RIF1: variants seen among roughly 807,000 people sequenced by gnomAD.
RIF1 encodes replication timing regulatory factor 1.
Under a neutral mutation model 247.1 loss-of-function variants are expected in RIF1, and 45 were observed. The ratio of observed to expected loss-of-function variants is 0.18; its 90% CI spans 0.14 to 0.23. The LOEUF (loss-of-function observed/expected upper bound fraction) is 0.23, where lower values mean the gene tolerates loss of function less well. Ranked by LOEUF, RIF1 falls within the 10% of genes least tolerant of loss-of-function variation. The pLI is 1.00. For synonymous variants in RIF1, 1,087 were observed against 978.8 expected (o/e 1.11, Z -2.06); for missense variants, 2,967 against 2,862.5 (o/e 1.04, Z -0.83).
rs1351477493 is a variant in RIF1 at position 151,461,266 on chromosome 2, A to G, written c.3204A>G (p.Gln1068=). 6.8e-6 allele frequency: 11 copies of G among 1,612,844 alleles called. No homozygotes were observed. The highest frequency in any genetic ancestry group is 9.3e-6 in the Non-Finnish European group (11 of 1,179,764). ...AGGAAAGAATATTAACTGATCATCA[A>G]AAAGAAGTTCTCAAAACAAAGCGGT... ...DAKERILTDH[Q]KEVLKTKRCD... The change falls in exon 27 of 36, where the codon CAA becomes CAG. Residue 1068 remains glutamine (Q), a synonymous_variant. Coordinates refer to ENST00000444746, the MANE Select transcript of RIF1 (RefSeq NM_018151.5).
the RIF1 span, chr2:151,526,357 A>G: frequency 3.0e-5 from 25 of 841,302 alleles, no homozygotes; most frequent in Admixed American, 6.3e-5. Context: ...CAGCGTTGAC[A>G]ATACTAAACT....
At chr2:151,433,269 T>G in intron 10 of RIF1, 41 bp downstream of exon 10, 1 of 1,501,378 alleles carries the variant, frequency 6.7e-7, no homozygotes, top group Non-Finnish European at 9.2e-7. Context: ...TATGTTTTTG[T>G]TAATGTGTTC....
downstream of RIF1, chr2:151,485,769 T>A (rs2049768282): frequency 6.2e-7 from 1 of 1,610,462 alleles, no homozygotes; most frequent in South Asian, 1.1e-5. Flanking sequence ...CCTAAATAGC[T>A]TCAACGTAGT....
rs554417448 is a variant in RIF1, at chr2:151,498,527, A to AGG, written c.*514-817_*514-816dup. Among the ~76,000 whole-genome samples the AGG allele has an allele frequency of 4.3e-3, 652 of 152,338 alleles. 5 individuals are homozygous for AGG. The highest frequency in any genetic ancestry group is 0.015 in the African/African-American group (605 of 41,570). On this transcript the variant is annotated intron_variant and NMD_transcript_variant, in intron 10 of 13. Transcript: ENST00000454583. The stretch of plus-strand genomic sequence containing the variant: ...AGCCTAAAGACATCTTCAAAAGCAA[A>AGG]GGAATGCAGGAAAGAGCAGCAAAAA...
At chr2:151,468,394 TG>T (rs1697284502) in intron 31 of RIF1, 79 bp from the exon 32 acceptor site, 1 of 1,142,994 alleles carries the variant, frequency 8.7e-7, no homozygotes, top group African/African-American at 1.6e-5. Flanking sequence ...AAGAAATGAT[TG>T]CAGTCTAAGT....
chr2:151,437,029 T>G (rs1691349884), intron 12 of RIF1, 26 bp downstream of exon 12: 1 of 1,582,616 alleles, frequency 6.3e-7, no homozygotes, highest in South Asian at 1.1e-5. Flanking sequence ...AAGAATAATT[T>G]TAATTACTAA....
Position 151,459,588 on chromosome 2 carries a change from A to G in RIF1, c.2956-412A>G, listed in dbSNP as rs147547441. Among the ~76,000 whole-genome samples the G allele has an allele frequency of 2.3e-3, 355 of 152,290 alleles. 9 individuals carry two copies. In the East Asian group the frequency reaches 0.046, roughly 20 times the overall value. On this transcript the variant is annotated intron_variant, in intron 25 of 35. Transcript: ENST00000444746. ...CAGTGGAATGTGGTCTGTAAAAGCTATATATTCTGTTGAGGGGAAATATGC... is the reference window on the plus strand; with the variant it reads ...CAGTGGAATGTGGTCTGTAAAAGCTGTATATTCTGTTGAGGGGAAATATGC...
rs746756638 is a variant in RIF1, at chr2:151,475,013, C to T, written c.7361C>T (p.Ser2454Phe). The T allele has an allele frequency of 5.6e-6, 9 of 1,613,600 alleles. No homozygotes were observed. Among genetic ancestry groups the T allele is most frequent in the Non-Finnish European group, 6.8e-6 (8 of 1,179,688 alleles). The change falls in exon 36 of 36, where the codon TCT becomes TTT. Residue 2454 changes from serine to phenylalanine, a missense_variant. Physicochemically the swap from Ser to Phe is radical, Grantham distance 155 (BLOSUM62 -2). Transcript: ENST00000444746. ...GAGAAACTAAGTTGTATGGCAAACT[C>T]TGTAATAAAAAATCTACAGTCACGT... Reference protein sequence around the residue: ...MHEKLSCMANSVIKNLQSRWR... With the variant: ...MHEKLSCMANFVIKNLQSRWR...
rs1254012354 is a variant in RIF1 at position 151,464,594 on chromosome 2, T to A, written c.5074T>A (p.Cys1692Ser). Residue 1692 changes from cysteine to serine, a missense_variant, in exon 30 of 36, where the codon TGT (cysteine) becomes AGT (serine). Coordinates refer to ENST00000444746, the MANE Select transcript of RIF1 (RefSeq NM_018151.5). ...ACATAAGCGAGACTCTTTTGATAAT[T>A]GTAGTTTGGGAGAATCCTCAAAAAT... is the stretch of plus-strand genomic sequence containing the variant. ...RLHKRDSFDN[C>S]SLGESSKIGI... 1 of 1,613,474 alleles carries A rather than the reference T, an allele frequency of 6.2e-7. No homozygotes were observed. Among genetic ancestry groups the A allele is most frequent in the Admixed American group, 1.7e-5 (1 of 59,962 alleles).
rs771100781 is a variant in RIF1 at position 151,454,969 on chromosome 2, A to G, written c.2419A>G (p.Ile807Val). The change falls in exon 22 of 36, where the codon ATT (isoleucine) becomes GTT (valine). Residue 807 changes from isoleucine (I) to valine (V), a missense_variant. Transcript: ENST00000444746. The part of the protein sequence containing the change: ...LGKLTSLFKL[I>V]VKVIYSFHTL... ...GAAATTGACTTCTTTATTTAAACTT[A>G]TTGTGAAAGTGATCTATTCTTTCCA... 1.2e-6 allele frequency: 2 copies of G among 1,613,420 alleles called. No individual in the cohort carries two copies. The highest frequency in any genetic ancestry group is 1.7e-6 in the Non-Finnish European group (2 of 1,179,500).
chr2:151,464,623 G>GATAT lies in RIF1; in HGVS notation c.5104_5107dup (p.Ser1703TyrfsTer16). 1 of 1,613,650 alleles carries GATAT rather than the reference G, an allele frequency of 6.2e-7. No homozygotes were observed. Among genetic ancestry groups the GATAT allele is most frequent in the Non-Finnish European group, 8.5e-7 (1 of 1,179,758 alleles). Reference sequence around the variant, plus strand: ...GTTTGGGAGAATCCTCAAAAATAGGGATATCAGATATTTCTTCGCTTTCAG... The same window carrying GATAT: ...GTTTGGGAGAATCCTCAAAAATAGGGATATATATCAGATATTTCTTCGCTTTCAG... On this transcript the variant is annotated frameshift_variant, in exon 30 of 36. Transcript: ENST00000444746. LOFTEE classifies it high-confidence loss of function.
the RIF1 span, among the ~76,000 whole-genome samples, chr2:151,522,832 C>G: frequency 6.6e-6 from 1 of 152,104 alleles, no homozygotes; most frequent in Non-Finnish European, 1.5e-5. Context: ...TTGAGGTATT[C>G]CGCCTAGAGT....
rs1696490694 is a variant in RIF1 at position 151,463,484 on chromosome 2, G to A, written c.3964G>A (p.Val1322Ile). The change falls in exon 30 of 36, where the codon GTA (valine) becomes ATA (isoleucine). Residue 1322 changes from valine (V) to isoleucine (I), a missense_variant. Coordinates refer to ENST00000444746, the MANE Select transcript of RIF1 (RefSeq NM_018151.5). Reference protein sequence around the residue: ...KNTEESVEGIVVLENNPPGLL... With the variant: ...KNTEESVEGIIVLENNPPGLL... ...TACTGAGGAATCTGTTGAAGGCATT[G>A]TAGTCTTAGAAAATAACCCACCTGG... 6 of 1,614,000 alleles carry A rather than the reference G, an allele frequency of 3.7e-6. No individual in the cohort carries two copies. Among genetic ancestry groups the A allele is most frequent in the Middle Eastern group, 1.6e-4 (1 of 6,084 alleles).
chr2:151,454,908 T>G lies in RIF1; in HGVS notation c.2358T>G (p.Pro786=). The stretch of plus-strand genomic sequence containing the variant: ...TTTTGTTTTTAGCACCACAGAGACC[T>G]TCAGATTGGTCCAAAAAGAAGAATG... ...YQPKVKSPQR[P]SDWSKKKNEP... is the part of the protein sequence containing the mutation. Residue 786 remains proline (P), a synonymous_variant, in exon 22 of 36, where the codon CCT becomes CCG. Coordinates refer to ENST00000444746, the MANE Select transcript of RIF1 (RefSeq NM_018151.5). The G allele has an allele frequency of 6.2e-7, 1 of 1,607,014 alleles. No individual in the cohort carries two copies. The highest frequency in any genetic ancestry group is 8.5e-7 in the Non-Finnish European group (1 of 1,176,158).
intron 34 of RIF1, among the ~76,000 whole-genome samples, chr2:151,473,679 A>G (rs2048754544): frequency 6.6e-6 from 1 of 152,200 alleles, no homozygotes; most frequent in African/African-American, 2.4e-5. Context: ...AACTTGGGAA[A>G]TAGAATGTAA....
chr2:151,529,086 C>T, the RIF1 span: 10 of 711,574 alleles, frequency 1.4e-5, no homozygotes, highest in East Asian at 2.6e-5. Flanking sequence ...GCTCCTGGGG[C>T]CTGACTCTTG....
rs199700260 is a variant in RIF1, at chr2:151,478,920, T to C, written c.*3849T>C. The C allele has an allele frequency of 6.6e-6, 1 of 151,974 alleles. No homozygotes were observed. The highest frequency in any genetic ancestry group is 1.5e-5 in the Non-Finnish European group (1 of 68,010). 9.4% of individuals were successfully genotyped at this position (151,974 alleles called of 1,614,324 possible). On this transcript the variant is annotated 3_prime_UTR_variant, in exon 36 of 36. Coordinates refer to ENST00000444746, the MANE Select transcript of RIF1 (RefSeq NM_018151.5). ...ACTGTTTCCTCATTGCTGCAACCCA[T>C]GGTCTATCCTATTCCTAAGCCATTA...
At chr2:151,487,673 C>T (rs1179744755) in intron 9 of RIF1, among the ~76,000 whole-genome samples, 1 of 152,116 alleles carries the variant, frequency 6.6e-6, no homozygotes, top group East Asian at 1.9e-4. Context: ...TACCGTTTAT[C>T]TTTGGGCAAA....
At chr2:151,438,811 A>G (rs1691728015) in intron 14 of RIF1, 65 bp downstream of exon 14, 3 of 942,316 alleles carry the variant, frequency 3.2e-6, no homozygotes, top group Non-Finnish European at 5.2e-6. Context: ...TGATTTTTAT[A>G]GCATCCGGTG....
Sources: gnomAD v4.1 joint callset for allele counts (sites outside exome capture counted in the v4.1 genomes callset) on GRCh38, gnomAD v4.1.1 for gene constraint, MANE v1.5 for transcripts, NCBI Gene and HGNC (gene_info 2026-07-23, HGNC 2026-07-21) for gene names.